EPHA6: variants seen among roughly 807,000 people sequenced by gnomAD.
The protein encoded by EPHA6 is EPH receptor A6, also known as ephrin type-A receptor 6.
A neutral mutation model predicts 112.0 loss-of-function variants in EPHA6; 50 were observed. The ratio of observed to expected loss-of-function variants is 0.45; its 90% CI spans 0.36 to 0.56. EPHA6 has a LOEUF of 0.56. Among genes scored for constraint, EPHA6 ranks in the 20% least tolerant of loss-of-function variants. The probability of loss-of-function intolerance (pLI) is 0.00; values close to 1 mark genes in which losing one functional copy is unlikely to be tolerated. For missense variants in EPHA6, 1,280 were observed against 1,417.4 expected, an observed-to-expected ratio of 0.90 and a Z score of 1.56; for synonymous variants, 529 against 490.7, an observed-to-expected ratio of 1.08 and a Z score of -1.03.
intron 5 of EPHA6, among the ~76,000 whole-genome samples, chr3:97,401,541 T>A (rs560272641): frequency 6.6e-6 from 1 of 151,950 alleles, no homozygotes; most frequent in South Asian, 2.1e-4. Flanking sequence ...TTTTTGTTTC[T>A]GGTTTTGTTT....
At chr3:97,590,269 T>C (rs2107336456) in intron 11 of EPHA6, 1 of 152,300 alleles carries the variant, frequency 6.6e-6, no homozygotes, top group Non-Finnish European at 1.5e-5. Context: ...ATGAAAGACC[T>C]TTTTACCCAT....
chr3:97,543,982 A>C (rs2092907456), intron 11 of EPHA6, among the ~76,000 whole-genome samples: 1 of 152,162 alleles, frequency 6.6e-6, no homozygotes, highest in South Asian at 2.1e-4. Flanking sequence ...CAGCTTGTGG[A>C]GATTTTGGGC....
intron 14 of EPHA6, among the ~76,000 whole-genome samples, chr3:97,640,805 G>A (rs1210853398): frequency 6.6e-6 from 1 of 151,842 alleles, no homozygotes; most frequent in East Asian, 1.9e-4. Context: ...AGATATTATT[G>A]AAACAGTGTA....
chr3:97,454,260 A>C (rs1045238058), intron 7 of EPHA6, among the ~76,000 whole-genome samples: 3 of 151,808 alleles, frequency 2.0e-5, no homozygotes, highest in Admixed American at 6.6e-5. Context: ...ATTCTTTACT[A>C]AGTTGTAAAC....
At chr3:97,578,847 T>C (rs1430867601) in intron 11 of EPHA6, among the ~76,000 whole-genome samples, 2 of 152,226 alleles carry the variant, frequency 1.3e-5, no homozygotes, top group East Asian at 1.9e-4. Context: ...TATACACTTA[T>C]CTATTGTGTA....
chr3:97,386,334 T>G (rs556113002), intron 5 of EPHA6, among the ~76,000 whole-genome samples: 16 of 152,160 alleles, frequency 1.1e-4, no homozygotes, highest in African/African-American at 3.9e-4. Context: ...ACAGAAAATT[T>G]GAATAAAAGA....
rs183973720 is a variant in EPHA6 at position 97,296,146 on chromosome 3, A to T, written c.1606+51859A>T. ...AACTTTGGGCTCCCTAGTGACTCAT[A>T]CTGTTATTAATGGTGTTTGCAGTGG... On this transcript the variant is annotated intron_variant, in intron 5 of 17. Transcript: ENST00000389672. Among the ~76,000 whole-genome samples, 523 of 152,082 alleles carry T rather than the reference A, an allele frequency of 3.4e-3. 2 individuals are homozygous for T. The highest frequency in any genetic ancestry group is 4.8e-3 in the South Asian group (23 of 4,800).
In EPHA6 at chr3:97,589,190, C is replaced by T. The variant is rs576919207; in HGVS notation, c.2387-3422C>T. ...TTTTTTTTTTTAGCTCATGATCTCTCGTTAGTGTTAGTGTATTTTATGTGT... is the reference window on the plus strand; with the variant it reads ...TTTTTTTTTTTAGCTCATGATCTCTTGTTAGTGTTAGTGTATTTTATGTGT... On this transcript the variant is annotated intron_variant, in intron 11 of 17. Transcript: ENST00000389672. Among the ~76,000 whole-genome samples the T allele has an allele frequency of 7.3e-5, 11 of 150,662 alleles. No individual in the cohort carries two copies. In the South Asian group the frequency reaches 1.3e-3, roughly 17 times the overall value.
intron 2 of EPHA6, among the ~76,000 whole-genome samples, chr3:96,985,016 G>A (rs569635817): frequency 2.0e-5 from 3 of 152,240 alleles, no homozygotes; most frequent in East Asian, 3.9e-4. Context: ...GCGATGCTTC[G>A]CCCTGCTTTG....
At chr3:97,693,520 A>G (rs1321631504) in intron 14 of EPHA6, among the ~76,000 whole-genome samples, 1 of 152,176 alleles carries the variant, frequency 6.6e-6, no homozygotes, top group Non-Finnish European at 1.5e-5. Context: ...TCACTATCGA[A>G]TTGGGATTTT....
At chr3:97,005,282 C>G (rs1437943788) in intron 3 of EPHA6, among the ~76,000 whole-genome samples, 1 of 152,038 alleles carries the variant, frequency 6.6e-6, no homozygotes, top group African/African-American at 2.4e-5. Context: ...TATGTTCTCT[C>G]TTATTTCCTT....
At chr3:96,852,661 T>G (rs2035465953) in intron 1 of EPHA6, among the ~76,000 whole-genome samples, 1 of 151,472 alleles carries the variant, frequency 6.6e-6, no homozygotes, top group Admixed American at 6.6e-5. Context: ...TTCAACCTGT[T>G]GCCCTCCACT....
intron 1 of EPHA6, among the ~76,000 whole-genome samples, chr3:96,851,873 A>G (rs1381176351): frequency 6.6e-6 from 1 of 152,200 alleles, no homozygotes; most frequent in African/African-American, 2.4e-5. Context: ...AAGATCTTGC[A>G]GGGACGCAGA....
chr3:97,662,916 C>T (rs150989244), intron 14 of EPHA6, among the ~76,000 whole-genome samples: 97 of 152,270 alleles, frequency 6.4e-4, no homozygotes, highest in Admixed American at 2.0e-3. Context: ...AGGGCCTTGT[C>T]GAGGCCACCC....
At chr3:97,068,534 G>C (rs2046252260) in intron 3 of EPHA6, among the ~76,000 whole-genome samples, 1 of 151,988 alleles carries the variant, frequency 6.6e-6, no homozygotes, top group South Asian at 2.1e-4. Context: ...ATGAGTATAT[G>C]CATTCCCACT....
At chr3:97,076,107 A>G (rs549541815) in intron 3 of EPHA6, among the ~76,000 whole-genome samples, 1 of 152,064 alleles carries the variant, frequency 6.6e-6, no homozygotes, top group Non-Finnish European at 1.5e-5. Flanking sequence ...GAAGAGTGTC[A>G]CATCTCTCAC....
chr3:97,165,773 C>G (rs1326348106), intron 3 of EPHA6, among the ~76,000 whole-genome samples: 1 of 152,064 alleles, frequency 6.6e-6, no homozygotes, highest in Admixed American at 6.6e-5. Flanking sequence ...AGGAGCTTCT[C>G]CATATGGGAA....
intron 11 of EPHA6, among the ~76,000 whole-genome samples, chr3:97,586,351 A>G (rs567694844): frequency 5.9e-4 from 90 of 152,138 alleles, no homozygotes; most frequent in Non-Finnish European, 1.1e-3. Context: ...TAAAAGATGC[A>G]TTTTTCCAAT....
intron 2 of EPHA6, among the ~76,000 whole-genome samples, chr3:96,943,208 T>C (rs1261706120): frequency 6.6e-6 from 1 of 152,114 alleles, no homozygotes; most frequent in Non-Finnish European, 1.5e-5. Context: ...TGTATATATA[T>C]ATTTTTTTCT....
Sources: gnomAD v4.1 joint callset for allele counts (sites outside exome capture counted in the v4.1 genomes callset) on GRCh38, gnomAD v4.1.1 for gene constraint, MANE v1.5 for transcripts, NCBI Gene and HGNC (gene_info 2026-07-23, HGNC 2026-07-21) for gene names.